FAAP20: variants seen among roughly 807,000 people sequenced by gnomAD.
The protein encoded by FAAP20 is FA core complex associated protein 20, also known as Fanconi anemia core complex-associated protein 20.
Under a neutral mutation model 16.2 loss-of-function variants are expected in FAAP20, and 12 were observed. The observed-to-expected ratio is 0.74, with a 90% CI of 0.48 to 1.20. The LOEUF is 1.20. FAAP20 is among the 50% of genes most tolerant of loss of function. FAAP20 has a pLI of 0.00. For missense variants in FAAP20, 288 were observed against 245.8 expected, an observed-to-expected ratio of 1.17 and a Z score of -1.15; for synonymous variants, 141 against 110.7, an observed-to-expected ratio of 1.27 and a Z score of -1.72.
chr1:2,198,846 CA>C (rs1224905216), upstream of FAAP20: 5 of 1,289,796 alleles, frequency 3.9e-6, no homozygotes, highest in East Asian at 2.8e-4. Flanking sequence ...CCGTGGATGC[CA>C]GGCAGGCACG....
chr1:2,187,789 TCCCGCCCAG>T (rs978907839), downstream of FAAP20, among the ~76,000 whole-genome samples: 1 of 152,098 alleles, frequency 6.6e-6, no homozygotes, highest in Non-Finnish European at 1.5e-5. Flanking sequence ...CGCCCAGAGT[TCCCGCCCAG>T]CTCGCCCAGG....
chr1:2,189,395 T>G, downstream of FAAP20: 1 of 399,642 alleles, frequency 2.5e-6, no homozygotes, highest in South Asian at 3.1e-5. Flanking sequence ...GTCCACAAAG[T>G]TAGGAAAACG....
At chr1:2,212,342 T>C (rs1322796431) in exon 2 of FAAP20, 1 of 152,436 alleles carries the variant, frequency 6.6e-6, no homozygotes, top group Admixed American at 6.5e-5. Flanking sequence ...TGGGCTGCTG[T>C]GGGGTTCCCG....
chr1:2,190,718 C>A, intron 3 of FAAP20: 1 of 319,428 alleles, frequency 3.1e-6, no homozygotes, highest in Non-Finnish European at 6.3e-6. Flanking sequence ...GGTCAGTGTC[C>A]CATCAGAGTG....
At chr1:2,199,244 C>CA, upstream of FAAP20, 1 of 1,151,958 alleles carries the variant, frequency 8.7e-7, no homozygotes, top group African/African-American at 1.6e-5. This position sits in a 1 kb window ranked among gnomAD's most constrained non-coding sequence, Gnocchi z 4.5. Flanking sequence ...AGCACCCCTT[C>CA]AAGCAGTATC....
At position 2,193,819 on chromosome 1, in the gene FAAP20, G is replaced by C. The variant is rs775166497; in HGVS notation, c.290C>G (p.Pro97Arg). The C allele has an allele frequency of 5.0e-6, 8 of 1,609,882 alleles. No homozygotes were observed. In the South Asian group the frequency reaches 7.7e-5, roughly 15 times the overall value. The change falls in exon 3 of 4, where the codon CCG becomes CGG. Residue 97 changes from proline to arginine, a missense_variant. Physicochemically the swap from Pro to Arg is moderately radical, Grantham distance 103 (BLOSUM62 -2). Coordinates refer to ENST00000378546, the MANE Select transcript of FAAP20 (RefSeq NM_182533.4). ...GTGAAGCAGCCGGTAGGAACGGCCC[G>C]GGCCCCACAGGTCCGGCGGAAAGGG... ...WTPFPPDLWG[P>R]GRSYRLLHGA...
chr1:2,207,909 CGTGTGTGTGTGTGTGTGTGTGT>C (rs58549960), downstream of FAAP20, among the ~76,000 whole-genome samples: 6 of 145,842 alleles, frequency 4.1e-5, no homozygotes, highest in East Asian at 2.2e-4. Flanking sequence ...TGGTAACACC[CGTGTGTGTGTGTGTGTGTGTGT>C]GTGTGTGTGT....
intron 3 of FAAP20, chr1:2,192,528 C>T: frequency 1.0e-6 from 1 of 1,004,514 alleles, no homozygotes; most frequent in Non-Finnish European, 1.2e-6. Context: ...AAAAGCCCCT[C>T]CCCGGGGGGC....
At chr1:2,193,130 G>T in intron 3 of FAAP20, 1 of 654,556 alleles carries the variant, frequency 1.5e-6, no homozygotes, top group Non-Finnish European at 2.2e-6. Flanking sequence ...CCCAGAGGTC[G>T]CCAGACACAA....
At chr1:2,185,390 G>T (rs1408118416), downstream of FAAP20, 4 of 718,790 alleles carry the variant, frequency 5.6e-6, no homozygotes, top group Non-Finnish European at 1.0e-5. Flanking sequence ...TTCCGATGAT[G>T]TGGAAGCTCC....
chr1:2,187,804 C>T (rs1687755822), downstream of FAAP20, among the ~76,000 whole-genome samples: 1 of 152,200 alleles, frequency 6.6e-6, no homozygotes, highest in Admixed American at 6.5e-5. Flanking sequence ...CCCAGCTCGC[C>T]CAGGGCACCG....
At chr1:2,207,553 C>T (rs1689307987), downstream of FAAP20, 1 of 152,396 alleles carries the variant, frequency 6.6e-6, no homozygotes, top group Non-Finnish European at 1.5e-5. Flanking sequence ...CCCACTCACG[C>T]ACTGGAAACT....
downstream of FAAP20, among the ~76,000 whole-genome samples, chr1:2,207,916 G>A (rs1689322087): frequency 3.5e-5 from 1 of 28,554 alleles, no homozygotes; most frequent in Non-Finnish European, 7.4e-5. Context: ...ACCCGTGTGT[G>A]TGTGTGTGTG....
upstream of FAAP20, chr1:2,200,858 CCT>C (rs1557790289): frequency 2.8e-6 from 3 of 1,069,040 alleles, no homozygotes. Context: ...GGCCAGGAAA[CCT>C]CTGCAGGTGG....
upstream of FAAP20, among the ~76,000 whole-genome samples, chr1:2,202,174 G>A (rs769946671): frequency 2.0e-5 from 3 of 152,174 alleles, no homozygotes; most frequent in Non-Finnish European, 4.4e-5. Flanking sequence ...TGCAGACTCC[G>A]GGCTGTCCTG....
upstream of FAAP20, chr1:2,201,225 C>A: frequency 8.3e-7 from 1 of 1,204,032 alleles, no homozygotes; most frequent in Non-Finnish European, 1.1e-6. Flanking sequence ...CCTCGCTGCC[C>A]CTGTGTTGGA....
chr1:2,194,293 G>T, intron 1 of FAAP20, 160 bp from the exon 2 acceptor site: 1 of 822,700 alleles, frequency 1.2e-6, no homozygotes, highest in Non-Finnish European at 1.8e-6. Context: ...GGGAAGGGCT[G>T]CTGGGGCAGA....
chr1:2,196,210 A>G (rs1207440408), upstream of FAAP20, among the ~76,000 whole-genome samples: 1 of 152,100 alleles, frequency 6.6e-6, no homozygotes, highest in Non-Finnish European at 1.5e-5. The surrounding 1 kb of genome is among the most constrained non-coding windows in gnomAD (Gnocchi z 4.5). Context: ...TGGAAATGTC[A>G]CCATGGTCTG....
downstream of FAAP20, among the ~76,000 whole-genome samples, chr1:2,209,875 G>A (rs905829396): frequency 1.3e-5 from 2 of 152,226 alleles, no homozygotes; most frequent in African/African-American, 4.8e-5. Flanking sequence ...TGTCGGAGGA[G>A]GCGCTTCAGT....
Sources: allele counts gnomAD v4.1 joint callset (sites outside exome capture counted in the v4.1 genomes callset), GRCh38; gene constraint gnomAD v4.1.1; non-coding constraint Gnocchi (gnomAD v3.1); transcripts MANE v1.5; gene names NCBI Gene and HGNC (gene_info 2026-07-23, HGNC 2026-07-21).